Variants in MYBL2 observed in about 807,000 individuals in gnomAD.
MYBL2 encodes the protein MYB proto-oncogene like 2, also known as myb-related protein B.
In MYBL2, 28 loss-of-function variants were observed where a neutral mutation model predicts 79.9. The observed-to-expected ratio is 0.35, with a 90% CI of 0.26 to 0.48. The LOEUF is 0.48. Ranked by LOEUF, MYBL2 falls within the 20% of genes least tolerant of loss-of-function variation. The probability of loss-of-function intolerance (pLI) is 0.99; values close to 1 mark genes in which losing one functional copy is unlikely to be tolerated. For synonymous variants in MYBL2, 378 were observed against 361.2 expected (o/e 1.05, Z -0.53); for missense variants, 735 against 893.9 (o/e 0.82, Z 2.27).
At chr20:43,685,218 T>G (rs1006893506) in intron 4 of MYBL2, among the ~76,000 whole-genome samples, 1 of 151,762 alleles carries the variant, frequency 6.6e-6, no homozygotes, top group Non-Finnish European at 1.5e-5. Flanking sequence ...TTCGCTCTTG[T>G]TGCCCAGGCT....
chr20:43,692,941 C>T (rs969613301), intron 6 of MYBL2, among the ~76,000 whole-genome samples: 4 of 152,150 alleles, frequency 2.6e-5, no homozygotes, highest in Non-Finnish European at 5.9e-5. Flanking sequence ...AGCCTTTTTT[C>T]GGCCCTTAGC....
chr20:43,672,451 G>A (rs1329421272), intron 1 of MYBL2, among the ~76,000 whole-genome samples: 5 of 150,666 alleles, frequency 3.3e-5, no homozygotes, highest in Non-Finnish European at 7.4e-5. Context: ...ATCAACACAC[G>A]AAAAAACAAC....
intron 2 of MYBL2, among the ~76,000 whole-genome samples, chr20:43,677,148 G>A (rs1017175640): frequency 1.3e-5 from 2 of 152,178 alleles, no homozygotes; most frequent in African/African-American, 4.8e-5. Flanking sequence ...TGCTCATCCT[G>A]TTGTGGACCA....
In MYBL2 at chr20:43,715,045, G is replaced by A. The variant is rs73911014; in HGVS notation, c.1825-89G>A. The A allele has an allele frequency of 1.6e-3, 2,415 of 1,471,342 alleles. 36 individuals are homozygous for A. The African/African-American group carries it at 0.029, about 18-fold the overall frequency. 91.1% of individuals were successfully genotyped at this position (1,471,342 alleles called of 1,614,324 possible). ...CTCTTTCAGGTCTCAGCAGCCAGGT[G>A]GTGGTGCTGGGGTGGGATTGCGGGT... is the stretch of plus-strand genomic sequence containing the variant. On this transcript the variant is annotated intron_variant, in intron 12 of 13. Coordinates refer to ENST00000217026, the MANE Select transcript of MYBL2 (RefSeq NM_002466.4).
intron 6 of MYBL2, among the ~76,000 whole-genome samples, chr20:43,698,351 A>ATTTTTTTTTTTTTTTTTT (rs71193701): frequency 2.0e-5 from 1 of 49,076 alleles, no homozygotes; most frequent in Non-Finnish European, 3.5e-5. Context: ...CGCCCCGCAT[A>ATTTTTTTTTTTTTTTTTT]TTTTTTTTTT....
At chr20:43,708,879 G>A (rs945734741) in intron 9 of MYBL2, among the ~76,000 whole-genome samples, 3 of 152,180 alleles carry the variant, frequency 2.0e-5, no homozygotes, top group African/African-American at 7.2e-5. Context: ...TGTAAGATGT[G>A]TACATTTGAC....
At chr20:43,694,206 C>T (rs925256167) in intron 6 of MYBL2, among the ~76,000 whole-genome samples, 1 of 151,908 alleles carries the variant, frequency 6.6e-6, no homozygotes, top group Non-Finnish European at 1.5e-5. Context: ...GTGGCGGGTG[C>T]CTGTAGTCCC....
intron 4 of MYBL2, 54 bp downstream of exon 4, chr20:43,682,940 C>A: frequency 6.5e-7 from 1 of 1,527,448 alleles, no homozygotes; most frequent in Non-Finnish European, 9.1e-7. Flanking sequence ...ACCAGTGTAC[C>A]TGGGGACTGT....
At chr20:43,708,119 T>C in intron 9 of MYBL2, among the ~76,000 whole-genome samples, 1 of 152,206 alleles carries the variant, frequency 6.6e-6, no homozygotes, top group South Asian at 2.1e-4. Context: ...AGTTTTCTTT[T>C]TGAGACAGTC....
At chr20:43,674,671 G>C (rs1986963460) in intron 2 of MYBL2, among the ~76,000 whole-genome samples, 1 of 151,940 alleles carries the variant, frequency 6.6e-6, no homozygotes, top group South Asian at 2.1e-4. Flanking sequence ...TGGGATTACA[G>C]GCGTGAGCCA....
chr20:43,683,664 G>A (rs376532), intron 4 of MYBL2, among the ~76,000 whole-genome samples: 1 of 150,708 alleles, frequency 6.6e-6, no homozygotes, highest in Admixed American at 6.6e-5. Flanking sequence ...AGCGATTCTC[G>A]TGTCTTAGCC....
chr20:43,714,419 T>A (rs977681914), intron 12 of MYBL2, among the ~76,000 whole-genome samples: 6 of 152,186 alleles, frequency 3.9e-5, no homozygotes, highest in African/African-American at 1.4e-4. Flanking sequence ...TACTGGATAA[T>A]GCTCAGTGAT....
intron 10 of MYBL2, 94 bp downstream of exon 10, chr20:43,710,156 G>A (rs1987874282): frequency 3.1e-6 from 3 of 976,946 alleles, no homozygotes; most frequent in African/African-American, 1.7e-5. Context: ...TCCCTCTGAG[G>A]TCTCATTTGA....
At chr20:43,673,317 C>G (rs989770142) in intron 1 of MYBL2, among the ~76,000 whole-genome samples, 8 of 150,528 alleles carry the variant, frequency 5.3e-5, no homozygotes, top group Non-Finnish European at 8.9e-5. Context: ...GAAAGTAGCT[C>G]TTAACCCTAT....
intron 8 of MYBL2, among the ~76,000 whole-genome samples, chr20:43,704,470 C>A (rs187586849): frequency 1.3e-5 from 2 of 152,166 alleles, no homozygotes; most frequent in Non-Finnish European, 2.9e-5. Context: ...AGGAAGGCAG[C>A]GGGTCCCTCA....
At chr20:43,688,320 G>A (rs1007764653) in intron 5 of MYBL2, among the ~76,000 whole-genome samples, 1 of 151,870 alleles carries the variant, frequency 6.6e-6, no homozygotes, top group Non-Finnish European at 1.5e-5. Flanking sequence ...TCCTGGTTCA[G>A]CCTCCCAAGT....
chr20:43,678,205 C>CT, intron 2 of MYBL2, among the ~76,000 whole-genome samples: 1 of 152,140 alleles, frequency 6.6e-6, no homozygotes, highest in Non-Finnish European at 1.5e-5. Flanking sequence ...AACCAGAGAC[C>CT]TTTGTTTACT....
At chr20:43,714,870 C>T (rs959856925) in intron 12 of MYBL2, among the ~76,000 whole-genome samples, 56 of 152,212 alleles carry the variant, frequency 3.7e-4, no homozygotes, top group African/African-American at 1.3e-3. Context: ...ACCTCGTGAT[C>T]CGCCTGCCTC....
intron 4 of MYBL2, among the ~76,000 whole-genome samples, chr20:43,683,940 A>G (rs1440559790): frequency 6.6e-6 from 1 of 151,244 alleles, no homozygotes; most frequent in Non-Finnish European, 1.5e-5. Context: ...AATTTTTTTG[A>G]TTGATTGAGG....
Sources: allele counts gnomAD v4.1 joint callset (sites outside exome capture counted in the v4.1 genomes callset), GRCh38; gene constraint gnomAD v4.1.1; transcripts MANE v1.5; gene names NCBI Gene and HGNC (gene_info 2026-07-23, HGNC 2026-07-21).